The following TRPV4 variants were observed in gnomAD, a reference collection of about 807,000 sequenced individuals.
TRPV4 encodes the protein transient receptor potential cation channel subfamily V member 4, also known as OSM9-like transient receptor potential channel 4.
In TRPV4, 58 loss-of-function variants were observed where a neutral mutation model predicts 84.1. That is an observed-to-expected ratio of 0.69 (90% CI 0.56 to 0.86). The LOEUF (loss-of-function observed/expected upper bound fraction) is 0.86. Among genes scored for constraint, TRPV4 ranks in the 40% least tolerant of loss-of-function variants. The probability of loss-of-function intolerance (pLI) is 0.00; values close to 1 mark genes in which losing one functional copy is unlikely to be tolerated. For missense variants in TRPV4, 879 were observed against 1,181.1 expected, an observed-to-expected ratio of 0.74 and a Z score of 3.75; for synonymous variants, 489 against 500.9, an observed-to-expected ratio of 0.98 and a Z score of 0.32.
rs146043980 is a variant in TRPV4 at position 109,822,699 on chromosome 12, G to A, written c.-31-7872C>T. On this transcript the variant is annotated intron_variant, in intron 1 of 15. Transcript: ENST00000261740. ...TGGGGGATGGGTCGCAGTCCCTGAC[G>A]AACCACCAGTTCACCAGCTCTGGGC... Among the ~76,000 whole-genome samples the A allele has an allele frequency of 3.7e-3, 565 of 152,252 alleles. 4 individuals are homozygous for A. The highest frequency in any genetic ancestry group is 0.013 in the African/African-American group (523 of 41,532).
In TRPV4 at chr12:109,800,649, C is replaced by T. The variant is rs774541982; in HGVS notation, c.822G>A (p.Gln274=). 1 of 1,614,206 alleles carries T rather than the reference C, an allele frequency of 6.2e-7. No homozygotes were observed. Among genetic ancestry groups the T allele is most frequent in the Non-Finnish European group, 8.5e-7 (1 of 1,180,046 alleles). ...VHAQARGRFF[Q]PKDEGGYFYF... is the part of the protein sequence containing the mutation. ...AGAAGTAGCCCCCCTCATCCTTGGGCTGGAAGAAGCGCCCACGGGCCTGGG... is the reference window on the plus strand; with the variant it reads ...AGAAGTAGCCCCCCTCATCCTTGGGTTGGAAGAAGCGCCCACGGGCCTGGG... Residue 274 remains glutamine (Q), a synonymous_variant, in exon 5 of 16, where the codon CAG becomes CAA. Coordinates refer to ENST00000261740, the MANE Select transcript of TRPV4 (RefSeq NM_021625.5).
Position 109,808,293 on chromosome 12 carries a change from C to A in TRPV4, c.559+3G>T, listed in dbSNP as rs925815891. 3 of 1,613,950 alleles carry A rather than the reference C, an allele frequency of 1.9e-6. No homozygotes were observed. Among genetic ancestry groups the A allele is most frequent in the Non-Finnish European group, 2.5e-6 (3 of 1,180,020 alleles). ...ACTGGCTATGCCCATCTGGGTGGCT[C>A]ACCTCGAAACTCCTCATCAGTTAGG... On this transcript the variant is annotated splice_donor_region_variant and intron_variant, in intron 3 of 15. Coordinates refer to ENST00000261740, the MANE Select transcript of TRPV4 (RefSeq NM_021625.5).
At chr12:109,805,692 A>G (rs941464611) in intron 3 of TRPV4, among the ~76,000 whole-genome samples, 1 of 152,184 alleles carries the variant, frequency 6.6e-6, no homozygotes, top group African/African-American at 2.4e-5. Flanking sequence ...GGCCTTAGCC[A>G]GGGGCCCTGG....
At chr12:109,827,253 A>G (rs1321288734) in intron 1 of TRPV4, among the ~76,000 whole-genome samples, 2 of 152,294 alleles carry the variant, frequency 1.3e-5, no homozygotes, top group South Asian at 2.1e-4. Flanking sequence ...CATTTTATAG[A>G]TGAAGAAATT....
intron 3 of TRPV4, among the ~76,000 whole-genome samples, chr12:109,807,733 G>T (rs1891235342): frequency 6.6e-6 from 1 of 152,196 alleles, no homozygotes; most frequent in African/African-American, 2.4e-5. Context: ...AGGCTGAAGG[G>T]TTAGCTCTCT....
At chr12:109,829,136 C>A (rs1240637044) in intron 1 of TRPV4, among the ~76,000 whole-genome samples, 1 of 152,036 alleles carries the variant, frequency 6.6e-6, no homozygotes, top group Non-Finnish European at 1.5e-5. Flanking sequence ...CACACCACTG[C>A]ATTCCAGCCT....
chr12:109,811,867 G>A (rs1420006127), intron 2 of TRPV4, among the ~76,000 whole-genome samples: 1 of 149,700 alleles, frequency 6.7e-6, no homozygotes, highest in African/African-American at 2.5e-5. Flanking sequence ...ACACACACAG[G>A]CCACCGAGAG....
intron 5 of TRPV4, among the ~76,000 whole-genome samples, chr12:109,800,224 C>T (rs143833498): frequency 0.022 from 3,296 of 152,230 alleles, 54 homozygotes; most frequent in African/African-American, 0.052. Flanking sequence ...GGATTACAGG[C>T]ATGAGCCACC....
chr12:109,819,827 G>T (rs1281617437), intron 1 of TRPV4, among the ~76,000 whole-genome samples: 1 of 152,204 alleles, frequency 6.6e-6, no homozygotes, highest in Non-Finnish European at 1.5e-5. Flanking sequence ...CTCCCAAAGT[G>T]CTGGAATTAC....
intron 13 of TRPV4, among the ~76,000 whole-genome samples, chr12:109,787,611 G>T (rs967875638): frequency 2.6e-5 from 4 of 152,120 alleles, no homozygotes; most frequent in African/African-American, 9.7e-5. Context: ...TGTGAGTAAT[G>T]CCCAGTGGGG....
chr12:109,797,070 ACTC>A (rs1423942382), intron 6 of TRPV4, among the ~76,000 whole-genome samples: 2 of 151,510 alleles, frequency 1.3e-5, no homozygotes, highest in Admixed American at 6.6e-5. Context: ...TCCTGTTACC[ACTC>A]CTCCTTCCCT....
Position 109,800,763 on chromosome 12 carries a change from G to C in TRPV4, c.713-5C>G. The C allele has an allele frequency of 1.2e-6, 2 of 1,613,344 alleles. No homozygotes were observed. The highest frequency in any genetic ancestry group is 1.6e-4 in the Middle Eastern group (1 of 6,062). On this transcript the variant is annotated splice_region_variant and splice_polypyrimidine_tract_variant and intron_variant, in intron 4 of 15. Coordinates refer to ENST00000261740, the MANE Select transcript of TRPV4 (RefSeq NM_021625.5). ...CGATGTGCAGGGCTGTCTGACCTGG[G>C]GGCAGGGGACGGTCATCCAGGGTCC... is the stretch of plus-strand genomic sequence containing the variant.
rs755476109 is a variant in TRPV4 at position 109,796,657 on chromosome 12, C to T, written c.1200G>A (p.Arg400=). The change falls in exon 7 of 16, where the codon CGG becomes CGA. Residue 400 remains arginine (R), a synonymous_variant. Coordinates refer to ENST00000261740, the MANE Select transcript of TRPV4 (RefSeq NM_021625.5). The surrounding 1 kb of genome is among the most constrained non-coding windows in gnomAD (Gnocchi z 4.2). ...IRREVTDEDT[R]HLSRKFKDWA... ...AGTCCTTGAACTTGCGGGACAGGTG[C>T]CGTGTGTCCTCATCCGTCACCTCCC... is the stretch of plus-strand genomic sequence containing the variant. 6.2e-7 allele frequency: 1 copy of T among 1,614,094 alleles called. No homozygotes were observed. The highest frequency in any genetic ancestry group is 2.2e-5 in the East Asian group (1 of 44,880).
Position 109,797,333 on chromosome 12 carries a change from T to A in TRPV4, c.1153-629A>T, listed in dbSNP as rs192825581. 1.7e-3 allele frequency among the ~76,000 whole-genome samples: 263 copies of A among 152,308 alleles called. 2 individuals are homozygous for A. The highest frequency in any genetic ancestry group is 3.2e-3 in the Non-Finnish European group (215 of 68,020). On this transcript the variant is annotated intron_variant, in intron 6 of 15. Coordinates refer to ENST00000261740, the MANE Select transcript of TRPV4 (RefSeq NM_021625.5). Reference sequence around the variant, plus strand: ...CACCCAGCTAATATTTTTGTATTTTTAGTAGAGACGGGGTTTCACCATGTT... The same window carrying A: ...CACCCAGCTAATATTTTTGTATTTTAAGTAGAGACGGGGTTTCACCATGTT...
chr12:109,799,153 CTTTTT>C (rs1038182364), intron 5 of TRPV4, among the ~76,000 whole-genome samples: 3 of 137,902 alleles, frequency 2.2e-5, no homozygotes, highest in Non-Finnish European at 4.8e-5. Flanking sequence ...TGATGGAATT[CTTTTT>C]TTTTTTTTTT....
chr12:109,820,563 G>A (rs572624949), intron 1 of TRPV4, among the ~76,000 whole-genome samples: 1 of 120,658 alleles, frequency 8.3e-6, no homozygotes. Flanking sequence ...TCCCTCTGTC[G>A]CCTAGGCTGG....
intron 1 of TRPV4, among the ~76,000 whole-genome samples, chr12:109,819,407 G>A (rs768711848): frequency 2.6e-5 from 4 of 152,132 alleles, no homozygotes; most frequent in Non-Finnish European, 5.9e-5. Context: ...CTTCGTTCCC[G>A]CACGGGCTCA....
chr12:109,795,157 A>G (rs1290378928), intron 7 of TRPV4, among the ~76,000 whole-genome samples: 1 of 152,264 alleles, frequency 6.6e-6, no homozygotes, highest in Non-Finnish European at 1.5e-5. Flanking sequence ...ATTCTGATTC[A>G]GAGAGAAAGA....
rs368607653 is a variant in TRPV4 at position 109,798,930 on chromosome 12, G to A, written c.854-18C>T. On this transcript the variant is annotated intron_variant, in intron 5 of 15. Transcript: ENST00000261740. This position sits in a 1 kb window ranked among gnomAD's most constrained non-coding sequence, Gnocchi z 5.0. The stretch of plus-strand genomic sequence containing the variant: ...CAGCTCCCCTGCGGGCCAGGGTGAA[G>A]GGTGGGAGGTCAGCGAAGGGGGCCC... 13 of 1,603,064 alleles carry A rather than the reference G, an allele frequency of 8.1e-6. No homozygotes were observed. The African/African-American group carries it at 1.6e-4, about 20-fold the overall frequency.
Sources: gnomAD v4.1 joint callset for allele counts (sites outside exome capture counted in the v4.1 genomes callset) on GRCh38, gnomAD v4.1.1 for gene constraint, Gnocchi (gnomAD v3.1) non-coding constraint, MANE v1.5 for transcripts, NCBI Gene and HGNC (gene_info 2026-07-23, HGNC 2026-07-21) for gene names.